Variants in ANKRD35 observed in about 807,000 individuals in gnomAD.
ANKRD35 encodes ankyrin repeat domain-containing protein 35.
In ANKRD35, 102 loss-of-function variants were observed where a neutral mutation model predicts 109.9. The observed-to-expected ratio is 0.93, with a 90% CI of 0.79 to 1.09. ANKRD35 has a LOEUF of 1.09. Ranked by LOEUF, ANKRD35 falls within the 50% of genes least tolerant of loss-of-function variation. ANKRD35 has a pLI of 0.00. For synonymous variants in ANKRD35, 515 were observed against 512.4 expected (o/e 1.01, Z -0.07); for missense variants, 1,240 against 1,230.1 (o/e 1.01, Z -0.12).
intron 4 of ANKRD35, 122 bp downstream of exon 4, chr1:145,877,846 C>T: frequency 1.1e-6 from 1 of 891,074 alleles, no homozygotes; most frequent in South Asian, 1.5e-5. Flanking sequence ...ATTATCAGCC[C>T]TCCTATTGGG....
chr1:145,876,350 C>T, intron 6 of ANKRD35, 104 bp from the exon 7 acceptor site: 3 of 1,255,178 alleles, frequency 2.4e-6, no homozygotes, highest in Non-Finnish European at 3.4e-6. Context: ...AAAATAAAAG[C>T]CCAGATCTTG....
In ANKRD35 at chr1:145,873,966, TG is replaced by T; in HGVS notation, c.802del (p.Gln268ArgfsTer77). On this transcript the variant is annotated frameshift_variant, in exon 10 of 14. Transcript: ENST00000355594. LOFTEE classifies it high-confidence loss of function. Reference sequence around the variant, plus strand: ...TGAGCTCTTAGGAGGAGAACCTGCCTGGGGCTCAGATGGAGAGGCCTATGTT... The same window carrying T: ...TGAGCTCTTAGGAGGAGAACCTGCCTGGGCTCAGATGGAGAGGCCTATGTT... Reference protein sequence around the residue: ...LASQASPSEPQAGSPPKSSWR... With the variant: ...LASQASPSEPXAGSPPKSSWR... 1 of 1,614,046 alleles carries T rather than the reference TG, an allele frequency of 6.2e-7. No homozygotes were observed. The highest frequency in any genetic ancestry group is 8.5e-7 in the Non-Finnish European group (1 of 1,179,984).
chr1:145,883,137 T>A (rs1263164601), intron 1 of ANKRD35, among the ~76,000 whole-genome samples: 2 of 139,426 alleles, frequency 1.4e-5, no homozygotes, highest in Admixed American at 1.7e-4. Context: ...CAGGCTGGAG[T>A]GCGATGGCAC....
chr1:145,883,175 C>A (rs1161512684), intron 1 of ANKRD35, among the ~76,000 whole-genome samples: 1 of 151,350 alleles, frequency 6.6e-6, no homozygotes, highest in African/African-American at 2.4e-5. Flanking sequence ...ACCTCCGCCT[C>A]CCGGGTTCAA....
intron 1 of ANKRD35, 122 bp downstream of exon 1, chr1:145,885,598 C>G (rs2101722951): frequency 8.3e-7 from 1 of 1,208,718 alleles, no homozygotes; most frequent in South Asian, 1.3e-5. Flanking sequence ...CCTTGCAAGA[C>G]TAGAAGAGCT....
intron 10 of ANKRD35, among the ~76,000 whole-genome samples, chr1:145,869,180 T>G (rs928709348): frequency 4.0e-4 from 17 of 42,838 alleles, no homozygotes; most frequent in Non-Finnish European, 5.9e-4. Flanking sequence ...TGTTTTTTTG[T>G]TTTTTTTTGT....
At chr1:145,880,237 A>G (rs1320582875) in intron 1 of ANKRD35, among the ~76,000 whole-genome samples, 3 of 152,206 alleles carry the variant, frequency 2.0e-5, no homozygotes, top group Admixed American at 6.5e-5. Context: ...GTTATAGGGC[A>G]TAAAAGAGAC....
chr1:145,881,074 T>C (rs782398835), intron 1 of ANKRD35, among the ~76,000 whole-genome samples: 3 of 152,148 alleles, frequency 2.0e-5, no homozygotes, highest in Non-Finnish European at 1.5e-5. Flanking sequence ...TCACCTGAGG[T>C]CAGGAGTTCA....
intron 4 of ANKRD35, among the ~76,000 whole-genome samples, chr1:145,877,134 C>T (rs754416942): frequency 1.3e-5 from 2 of 152,038 alleles, no homozygotes; most frequent in Non-Finnish European, 1.5e-5. Flanking sequence ...CCAATGTCCC[C>T]GTGGCTGGTA....
Position 145,876,585 on chromosome 1 carries a change from A to G in ANKRD35, c.437T>C (p.Leu146Pro), listed in dbSNP as rs781858272. The change falls in exon 6 of 14, where the codon CTG (leucine) becomes CCG (proline). Residue 146 changes from leucine to proline, a missense_variant. Transcript: ENST00000355594. Reference protein sequence around the residue: ...VLLLCDHEAFLDVLDNDGRTP... With the variant: ...VLLLCDHEAFPDVLDNDGRTP... Reference sequence around the variant, plus strand: ...GACACTCACATTATCCAACACGTCCAGGAAGGCTTCGTGGTCACACAGCAG... The same window carrying G: ...GACACTCACATTATCCAACACGTCCGGGAAGGCTTCGTGGTCACACAGCAG... The G allele has an allele frequency of 1.9e-6, 3 of 1,614,086 alleles. No individual in the cohort carries two copies. The African/African-American group carries it at 4.0e-5, about 22-fold the overall frequency.
intron 1 of ANKRD35, among the ~76,000 whole-genome samples, chr1:145,883,786 T>A (rs1402479891): frequency 3.9e-5 from 6 of 152,184 alleles, no homozygotes; most frequent in Non-Finnish European, 8.8e-5. Flanking sequence ...TCATGAGAAG[T>A]GTGGGGAAAT....
chr1:145,869,345 A>T lies in ANKRD35; in HGVS notation c.2788-945T>A, dbSNP rs984462506. Among the ~76,000 whole-genome samples, 5 of 151,246 alleles carry T rather than the reference A, an allele frequency of 3.3e-5. No homozygotes were observed. The East Asian group carries it at 7.9e-4, about 24-fold the overall frequency. On this transcript the variant is annotated intron_variant, in intron 10 of 13. Transcript: ENST00000355594. ...TACAGGCATGCGCCACCACACTCAG[A>T]TAATTTTTGTATTTTTAGTAGAGGC...
Position 145,883,633 on chromosome 1 carries a change from A to T in ANKRD35, c.39+2087T>A, listed in dbSNP as rs587652158. Among the ~76,000 whole-genome samples, 49 of 152,294 alleles carry T rather than the reference A, an allele frequency of 3.2e-4. No homozygotes were observed. In the South Asian group the frequency reaches 7.5e-3, roughly 23 times the overall value. ...GTGCAGGGCTCTGGCCCTGGACCCA[A>T]ATGTGTGAGTGGAGATGGGTAGAGG... On this transcript the variant is annotated intron_variant, in intron 1 of 13. Coordinates refer to ENST00000355594, the MANE Select transcript of ANKRD35 (RefSeq NM_144698.5).
chr1:145,883,254 T>A (rs587742299), intron 1 of ANKRD35, among the ~76,000 whole-genome samples: 53 of 152,168 alleles, frequency 3.5e-4, no homozygotes, highest in African/African-American at 1.1e-3. Context: ...CCGGCTAATT[T>A]TTGTATTTTT....
In ANKRD35 at chr1:145,875,078, C is replaced by T; in HGVS notation, c.561-72G>A. On this transcript the variant is annotated intron_variant, in intron 7 of 13. Coordinates refer to ENST00000355594, the MANE Select transcript of ANKRD35 (RefSeq NM_144698.5). ...AGAAGTCCTGGTTCCAGACATTCCACTCACAGGGTAAGCTCTCATTCAGTG... is the reference window on the plus strand; with the variant it reads ...AGAAGTCCTGGTTCCAGACATTCCATTCACAGGGTAAGCTCTCATTCAGTG... 2.1e-6 allele frequency: 3 copies of T among 1,462,428 alleles called. No individual in the cohort carries two copies. In the East Asian group the frequency reaches 7.1e-5, roughly 34 times the overall value. The allele number at this position is 1,462,428 out of a possible 1,614,324, so 90.6% of individuals were successfully genotyped here. A position where few individuals can be genotyped will look rare whatever the true frequency, so the allele number is the denominator to read the frequency against.
At chr1:145,879,179 C>T (rs11591182) in intron 2 of ANKRD35, 79 bp downstream of exon 2, 31,817 of 1,409,248 alleles carry the variant, frequency 0.023, 470 homozygotes, top group Non-Finnish European at 0.027. Context: ...TAGGCATTCC[C>T]TGGTCCTATG....
intron 10 of ANKRD35, among the ~76,000 whole-genome samples, chr1:145,870,046 T>TAGC (rs1181996799): frequency 2.0e-5 from 3 of 151,814 alleles, no homozygotes; most frequent in East Asian, 3.8e-4. Context: ...GGAATAATGA[T>TAGC]AGCTACCTTT....
chr1:145,880,973 G>A (rs58408005), intron 1 of ANKRD35, among the ~76,000 whole-genome samples: 8,876 of 152,186 alleles, frequency 0.058, 848 homozygotes, highest in African/African-American at 0.2. Context: ...ACGAAAAAGA[G>A]TGGCAAAATT....
Position 145,872,019 on chromosome 1 carries a change from T to A in ANKRD35, c.2750A>T (p.Glu917Val). 6.2e-7 allele frequency: 1 copy of A among 1,613,042 alleles called. No individual in the cohort carries two copies. The highest frequency in any genetic ancestry group is 1.7e-4 in the Middle Eastern group (1 of 6,042). The change falls in exon 10 of 14, where the codon GAG (glutamate) becomes GTG (valine). Residue 917 changes from glutamate to valine, a missense_variant. Glu to Val is a moderately radical substitution (Grantham distance 121). Transcript: ENST00000355594. ...GTCTCGGCAAGCCCCAATGAGATGCTCCATCTTCTCTTTCAGCAGCTCTGC... is the reference window on the plus strand; with the variant it reads ...GTCTCGGCAAGCCCCAATGAGATGCACCATCTTCTCTTTCAGCAGCTCTGC... ...KTAELLKEKM[E>V]HLIGACRDKE... is the part of the protein sequence containing the mutation.
Sources: gnomAD v4.1 joint callset for allele counts (sites outside exome capture counted in the v4.1 genomes callset) on GRCh38, gnomAD v4.1.1 for gene constraint, MANE v1.5 for transcripts, NCBI Gene and HGNC (gene_info 2026-07-23, HGNC 2026-07-21) for gene names.